The following WIPF3 variants were observed in gnomAD, a reference collection of about 807,000 sequenced individuals.
The protein encoded by WIPF3 is WAS/WASL-interacting protein family member 3.
A neutral mutation model predicts 38.9 loss-of-function variants in WIPF3; 33 were observed. The observed-to-expected ratio is 0.85, with a 90% CI of 0.64 to 1.14. The LOEUF is 1.14. Among genes scored for constraint, WIPF3 ranks in the 50% most tolerant of loss-of-function variants. The probability of loss-of-function intolerance (pLI) is 0.00; values close to 1 mark genes in which losing one functional copy is unlikely to be tolerated. For missense variants in WIPF3, 711 were observed against 652.5 expected, an observed-to-expected ratio of 1.09 and a Z score of -0.98; for synonymous variants, 324 against 269.3, an observed-to-expected ratio of 1.20 and a Z score of -1.99.
intron 1 of WIPF3, among the ~76,000 whole-genome samples, chr7:29,806,895 C>G (rs1242357345): frequency 6.6e-6 from 1 of 151,298 alleles, no homozygotes. Flanking sequence ...CACCCGCACC[C>G]TGCCACGCCG....
At position 29,882,860 on chromosome 7, in the gene WIPF3, C is replaced by T. The variant is rs181689970; in HGVS notation, c.356-990C>T. ...CCCCAGAATTCTTATAAAAAGAGCA[C>T]TAAATCTGGAAGAAATATTTTAATC... On this transcript the variant is annotated intron_variant, in intron 4 of 8. Coordinates refer to ENST00000242140, the MANE Select transcript of WIPF3 (RefSeq NM_001080529.3). Among the ~76,000 whole-genome samples, 4 of 152,280 alleles carry T rather than the reference C, an allele frequency of 2.6e-5. No individual in the cohort carries two copies. In the East Asian group the frequency reaches 7.7e-4, roughly 29 times the overall value.
chr7:29,879,228 A>C, intron 4 of WIPF3, 88 bp downstream of exon 4: 2 of 1,499,606 alleles, frequency 1.3e-6, no homozygotes, highest in Non-Finnish European at 9.1e-7. Flanking sequence ...GCCAGTAAGC[A>C]ACATGGTTTT....
At chr7:29,836,106 T>C (rs1784795779) in intron 2 of WIPF3, among the ~76,000 whole-genome samples, 1 of 152,238 alleles carries the variant, frequency 6.6e-6, no homozygotes, top group African/African-American at 2.4e-5. Flanking sequence ...GCACATAGTA[T>C]AAATTACGTT....
chr7:29,911,415 A>G (rs1203667388), intron 8 of WIPF3, among the ~76,000 whole-genome samples: 2 of 152,252 alleles, frequency 1.3e-5, no homozygotes, highest in East Asian at 1.9e-4. Flanking sequence ...CCAGAATCCT[A>G]AAAGAAGAAT....
chr7:29,905,430 C>G (rs1194762102), intron 8 of WIPF3: 4 of 152,228 alleles, frequency 2.6e-5, no homozygotes, highest in Admixed American at 2.6e-4. Context: ...CAGAATCTGT[C>G]TGATGTAATT....
intron 1 of WIPF3, among the ~76,000 whole-genome samples, chr7:29,830,619 C>CAAA (rs56261573): frequency 9.9e-6 from 1 of 100,808 alleles, no homozygotes; most frequent in Non-Finnish European, 2.1e-5. Context: ...GACTCTGTCT[C>CAAA]AAAAAAAAAA....
At chr7:29,851,220 A>G (rs1475843198) in intron 2 of WIPF3, among the ~76,000 whole-genome samples, 1 of 152,030 alleles carries the variant, frequency 6.6e-6, no homozygotes, top group Non-Finnish European at 1.5e-5. Flanking sequence ...CTGAGACTGG[A>G]GGTGGGGGAC....
chr7:29,913,988 T>C (rs146212754), intron 8 of WIPF3, among the ~76,000 whole-genome samples: 1 of 152,344 alleles, frequency 6.6e-6, no homozygotes, highest in East Asian at 1.9e-4. Flanking sequence ...TGTATCTCAC[T>C]GGATACCATC....
In WIPF3 at chr7:29,863,761, T is replaced by A. The variant is rs75064416; in HGVS notation, c.91-12069T>A. Among the ~76,000 whole-genome samples the A allele has an allele frequency of 4.8e-3, 728 of 152,362 alleles. 6 individuals carry two copies. Among genetic ancestry groups the A allele is most frequent in the African/African-American group, 0.017 (711 of 41,596 alleles). Reference sequence around the variant, plus strand: ...TTCTTTCATTAGCATTTTTTGATTTTAAGAATCCATATGCTGTGCGTGTTT... The same window carrying A: ...TTCTTTCATTAGCATTTTTTGATTTAAAGAATCCATATGCTGTGCGTGTTT... On this transcript the variant is annotated intron_variant, in intron 2 of 8. Transcript: ENST00000242140.
chr7:29,846,637 G>T (rs1244862409), intron 2 of WIPF3, among the ~76,000 whole-genome samples: 1 of 152,222 alleles, frequency 6.6e-6, no homozygotes, highest in Non-Finnish European at 1.5e-5. Context: ...GGAGGCGGAG[G>T]TTGCAGTGAG....
intron 3 of WIPF3, among the ~76,000 whole-genome samples, chr7:29,876,974 A>G (rs1266194766): frequency 6.6e-6 from 1 of 152,114 alleles, no homozygotes; most frequent in East Asian, 1.9e-4. Flanking sequence ...AAGTTGAAAT[A>G]ATATATGCAG....
chr7:29,840,229 G>A (rs1269536700), intron 2 of WIPF3, among the ~76,000 whole-genome samples: 5 of 152,138 alleles, frequency 3.3e-5, no homozygotes, highest in African/African-American at 1.2e-4. Flanking sequence ...CTGTTGAGCT[G>A]TGGCCCACTC....
chr7:29,912,687 T>C (rs892080375), intron 8 of WIPF3: 3 of 168,378 alleles, frequency 1.8e-5, no homozygotes, highest in Admixed American at 5.8e-5. Flanking sequence ...CATAGATAGA[T>C]GAATGGATAA....
At chr7:29,890,885 G>C (rs190361888) in intron 7 of WIPF3, among the ~76,000 whole-genome samples, 8 of 132,214 alleles carry the variant, frequency 6.1e-5, no homozygotes, top group African/African-American at 2.0e-4. Context: ...GGTGGAAGGG[G>C]TGAGGGCCTG....
chr7:29,809,891 T>C (rs1211561142), intron 1 of WIPF3, among the ~76,000 whole-genome samples: 1 of 152,032 alleles, frequency 6.6e-6, no homozygotes, highest in East Asian at 1.9e-4. Flanking sequence ...CCTATGTGGG[T>C]GGTGTTTTCC....
At chr7:29,902,431 AAGTTTTAG>A (rs1389973432) in intron 7 of WIPF3, among the ~76,000 whole-genome samples, 2 of 152,114 alleles carry the variant, frequency 1.3e-5, no homozygotes, top group African/African-American at 4.8e-5. Flanking sequence ...AATGTGTTAT[AAGTTTTAG>A]AGACCCTTCT....
chr7:29,888,123 C>A lies in WIPF3; in HGVS notation c.1155C>A (p.Thr385=), dbSNP rs777784346. 2 of 1,613,940 alleles carry A rather than the reference C, an allele frequency of 1.2e-6. No individual in the cohort carries two copies. Among genetic ancestry groups the A allele is most frequent in the Non-Finnish European group, 1.7e-6 (2 of 1,179,878 alleles). Residue 385 remains threonine, a synonymous_variant, in exon 6 of 9, where the codon ACC becomes ACA. Coordinates refer to ENST00000242140, the MANE Select transcript of WIPF3 (RefSeq NM_001080529.3). Reference sequence around the variant, plus strand: ...CAGCACCCCCTGCGAGATCACCTACCACAGAGCTTTCAAGCAAGAGCCAGC... The same window carrying A: ...CAGCACCCCCTGCGAGATCACCTACAACAGAGCTTTCAAGCAAGAGCCAGC... ...PPPAPPARSP[T]TELSSKSQQA...
At chr7:29,877,802 C>G in intron 3 of WIPF3, among the ~76,000 whole-genome samples, 1 of 152,136 alleles carries the variant, frequency 6.6e-6, no homozygotes, top group East Asian at 1.9e-4. Context: ...AAATACATTT[C>G]ATGTTTAGAC....
In WIPF3 at chr7:29,878,991, T is replaced by C; in HGVS notation, c.224-18T>C. 1.3e-6 allele frequency: 2 copies of C among 1,582,372 alleles called. No individual in the cohort carries two copies. Among genetic ancestry groups the C allele is most frequent in the Non-Finnish European group, 1.7e-6 (2 of 1,159,822 alleles). Reference sequence around the variant, plus strand: ...CTCTGCTCTCAAGTCCTTGCCTATTTGTGTCTTCTCTCTAAAGGTTCTAAA... The same window carrying C: ...CTCTGCTCTCAAGTCCTTGCCTATTCGTGTCTTCTCTCTAAAGGTTCTAAA... On this transcript the variant is annotated intron_variant, in intron 3 of 8. Coordinates refer to ENST00000242140, the MANE Select transcript of WIPF3 (RefSeq NM_001080529.3). This position sits in a 1 kb window ranked among gnomAD's most constrained non-coding sequence, Gnocchi z 4.0.
Sources: allele counts gnomAD v4.1 joint callset (sites outside exome capture counted in the v4.1 genomes callset), GRCh38; gene constraint gnomAD v4.1.1; non-coding constraint Gnocchi (gnomAD v3.1); transcripts MANE v1.5; gene names NCBI Gene and HGNC (gene_info 2026-07-23, HGNC 2026-07-21).